ANKIB1: variants seen among roughly 807,000 people sequenced by gnomAD.
ANKIB1 encodes ankyrin repeat and IBR domain containing 1, also known as ankyrin repeat and IBR domain-containing protein 1.
Under a neutral mutation model 122.1 loss-of-function variants are expected in ANKIB1, and 43 were observed. The ratio of observed to expected loss-of-function variants is 0.35; its 90% CI spans 0.28 to 0.45. The LOEUF is 0.45. ANKIB1 is among the 20% of genes least tolerant of loss of function. ANKIB1 has a pLI of 1.00. For missense variants in ANKIB1, 992 were observed against 1,329.5 expected (o/e 0.75, Z 3.95); for synonymous variants, 390 against 442.0 (o/e 0.88, Z 1.48).
At chr7:92,354,429 A>G (rs1803742405) in intron 9 of ANKIB1, among the ~76,000 whole-genome samples, 1 of 152,182 alleles carries the variant, frequency 6.6e-6, no homozygotes, top group Non-Finnish European at 1.5e-5. Flanking sequence ...GACTAAGGTC[A>G]CACTTGGTAA....
chr7:92,345,071 G>A lies in ANKIB1; in HGVS notation c.1085+5G>A, dbSNP rs1170604589. On this transcript the variant is annotated splice_donor_5th_base_variant and intron_variant, in intron 7 of 19. Transcript: ENST00000265742. ...TTGTAGAGGATGTTGGGAGTCGTGA[G>A]TATATGAGCACCTTAGCATCTCTTA... 1 of 1,601,240 alleles carries A rather than the reference G, an allele frequency of 6.2e-7. No individual in the cohort carries two copies. Among genetic ancestry groups the A allele is most frequent in the Non-Finnish European group, 8.6e-7 (1 of 1,169,242 alleles).
intron 5 of ANKIB1, among the ~76,000 whole-genome samples, chr7:92,330,452 A>G (rs1172476176): frequency 6.6e-6 from 1 of 152,092 alleles, no homozygotes; most frequent in Non-Finnish European, 1.5e-5. Context: ...TACATTTTTT[A>G]TTGCCATGTT....
chr7:92,246,489 C>G lies in ANKIB1; in HGVS notation c.-121C>G, dbSNP rs566938422. On this transcript the variant is annotated 5_prime_UTR_variant, in exon 1 of 20. Transcript: ENST00000265742. Reference sequence around the variant, plus strand: ...CGGAACTGCGGAGTTGCTGGGTCCACCGACCCTTACCCTCAGCGAGAGAAG... The same window carrying G: ...CGGAACTGCGGAGTTGCTGGGTCCAGCGACCCTTACCCTCAGCGAGAGAAG... 2 of 518,536 alleles carry G rather than the reference C, an allele frequency of 3.9e-6. No individual in the cohort carries two copies. The highest frequency in any genetic ancestry group is 1.9e-5 in the Admixed American group (1 of 51,606). The allele number at this position is 518,536 out of a possible 1,614,324, so 32.1% of individuals were successfully genotyped here. A position where few individuals can be genotyped will look rare whatever the true frequency, so the allele number is the denominator to read the frequency against.
At chr7:92,397,485 CAAA>C (rs369628548) in intron 18 of ANKIB1, among the ~76,000 whole-genome samples, 2 of 111,496 alleles carry the variant, frequency 1.8e-5, no homozygotes, top group Admixed American at 9.2e-5. Flanking sequence ...GACTCCATCT[CAAA>C]AAAAAAAAAA....
intron 5 of ANKIB1, among the ~76,000 whole-genome samples, chr7:92,333,434 AT>A (rs1488498097): frequency 1.3e-5 from 2 of 151,964 alleles, no homozygotes; most frequent in Admixed American, 1.3e-4. Flanking sequence ...TCTTTCTAGA[AT>A]GTCTTTCCCT....
Position 92,327,257 on chromosome 7 carries a change from G to T in ANKIB1, c.670-526G>T, listed in dbSNP as rs562600056. ...CCAGTATCTGCTTTGCAGCATGAAA[G>T]AGACTTGTGAAAAGGCAGTTTGAAG... On this transcript the variant is annotated intron_variant, in intron 4 of 19. Coordinates refer to ENST00000265742, the MANE Select transcript of ANKIB1 (RefSeq NM_019004.2). Among the ~76,000 whole-genome samples the T allele has an allele frequency of 2.6e-5, 4 of 152,334 alleles. No homozygotes were observed. In the South Asian group the frequency reaches 8.3e-4, roughly 32 times the overall value.
chr7:92,305,902 G>A (rs926491050), intron 2 of ANKIB1, among the ~76,000 whole-genome samples: 1 of 152,186 alleles, frequency 6.6e-6, no homozygotes, highest in Non-Finnish European at 1.5e-5. Flanking sequence ...TGCAGGGAAT[G>A]AGGAGTGGAT....
intron 2 of ANKIB1, among the ~76,000 whole-genome samples, chr7:92,299,217 A>G (rs1343003894): frequency 3.3e-5 from 5 of 152,240 alleles, no homozygotes; most frequent in African/African-American, 1.2e-4. Flanking sequence ...CTCAACACAG[A>G]CTTTTCTGAT....
intron 11 of ANKIB1, among the ~76,000 whole-genome samples, chr7:92,374,017 A>G (rs964897995): frequency 9.2e-5 from 14 of 152,334 alleles, no homozygotes; most frequent in African/African-American, 3.1e-4. Context: ...ATATCTGTTC[A>G]TTATATATTC....
At chr7:92,311,267 T>G (rs2131940229) in intron 3 of ANKIB1, among the ~76,000 whole-genome samples, 1 of 152,256 alleles carries the variant, frequency 6.6e-6, no homozygotes, top group Non-Finnish European at 1.5e-5. Flanking sequence ...GAGGGAGCAT[T>G]GATTTTTAGT....
intron 2 of ANKIB1, among the ~76,000 whole-genome samples, chr7:92,297,014 C>T (rs1226827137): frequency 6.6e-6 from 1 of 152,190 alleles, no homozygotes; most frequent in East Asian, 1.9e-4. Context: ...GGGTCTTCCA[C>T]ATGTTAATGA....
intron 3 of ANKIB1, among the ~76,000 whole-genome samples, chr7:92,314,416 G>A (rs1802751480): frequency 6.6e-6 from 1 of 152,188 alleles, no homozygotes; most frequent in Admixed American, 6.5e-5. Flanking sequence ...TTCCAAAGCA[G>A]TGTTTCTTAA....
At chr7:92,280,199 C>G (rs1387607704) in intron 1 of ANKIB1, among the ~76,000 whole-genome samples, 1 of 152,222 alleles carries the variant, frequency 6.6e-6, no homozygotes, top group Non-Finnish European at 1.5e-5. Flanking sequence ...AAATTACAAG[C>G]ATATAACATT....
intron 2 of ANKIB1, among the ~76,000 whole-genome samples, 161 bp from the exon 3 acceptor site, chr7:92,307,198 A>G (rs1172561926): frequency 1.3e-5 from 2 of 152,218 alleles, no homozygotes; most frequent in Non-Finnish European, 2.9e-5. Flanking sequence ...TTTTAAAACT[A>G]AGAATTAGTC....
intron 1 of ANKIB1, among the ~76,000 whole-genome samples, chr7:92,265,217 G>A (rs578180200): frequency 6.6e-6 from 1 of 152,014 alleles, no homozygotes; most frequent in Admixed American, 6.6e-5. Flanking sequence ...GGCCTCAAGC[G>A]ATCTTACCAT....
At position 92,347,631 on chromosome 7, in the gene ANKIB1, G is replaced by A. The variant is rs1026448963; in HGVS notation, c.1085+2565G>A. On this transcript the variant is annotated intron_variant, in intron 7 of 19. Transcript: ENST00000265742. ...CTGTCGATTGATTGATCGATCAATC[G>A]ACAGATTAGATAGAAATTATTATTT... Among the ~76,000 whole-genome samples the A allele has an allele frequency of 5.3e-5, 8 of 152,208 alleles. No homozygotes were observed. The East Asian group carries it at 1.2e-3, about 22-fold the overall frequency.
At chr7:92,252,330 A>T (rs1314433248) in intron 1 of ANKIB1, among the ~76,000 whole-genome samples, 3 of 147,426 alleles carry the variant, frequency 2.0e-5, no homozygotes, top group African/African-American at 7.5e-5. Flanking sequence ...GCCAAATAAT[A>T]TTTTTTCTGT....
chr7:92,389,685 G>A (rs1239958547), intron 14 of ANKIB1, among the ~76,000 whole-genome samples: 1 of 152,074 alleles, frequency 6.6e-6, no homozygotes, highest in Non-Finnish European at 1.5e-5. Context: ...CCAATGGAGT[G>A]AGACCAGAAT....
intron 1 of ANKIB1, among the ~76,000 whole-genome samples, chr7:92,253,459 C>T (rs910784055): frequency 6.6e-5 from 10 of 152,186 alleles, no homozygotes; most frequent in African/African-American, 2.2e-4. Context: ...CCATTGTCCT[C>T]GCCTCTAGGC....
Sources: allele counts gnomAD v4.1 joint callset (sites outside exome capture counted in the v4.1 genomes callset), GRCh38; gene constraint gnomAD v4.1.1; transcripts MANE v1.5; gene names NCBI Gene and HGNC (gene_info 2026-07-23, HGNC 2026-07-21).